The following CPQ variants were observed in gnomAD, a reference collection of about 807,000 sequenced individuals.
The protein encoded by CPQ is carboxypeptidase Q.
A neutral mutation model predicts 45.7 loss-of-function variants in CPQ; 37 were observed. That is an observed-to-expected ratio of 0.81 (90% CI 0.62 to 1.07). The LOEUF (loss-of-function observed/expected upper bound fraction) is 1.07, where lower values mean the gene tolerates loss of function less well. Ranked by LOEUF, CPQ falls within the 50% of genes least tolerant of loss-of-function variation. CPQ has a pLI of 0.00. For missense variants in CPQ, 537 were observed against 572.9 expected, an observed-to-expected ratio of 0.94 and a Z score of 0.64; for synonymous variants, 186 against 205.8, an observed-to-expected ratio of 0.90 and a Z score of 0.82.
At position 97,061,256 on chromosome 8, in the gene CPQ, G is replaced by T. The variant is rs1010323521; in HGVS notation, c.1054-4753G>T. ...GTTGGAAGCAAATTGTGGAGCAAGA[G>T]ATTTTTGTTTTTGTTTTCATTTCTT... On this transcript the variant is annotated intron_variant, in intron 6 of 7. Coordinates refer to ENST00000220763, the MANE Select transcript of CPQ (RefSeq NM_016134.4). 3.3e-5 allele frequency among the ~76,000 whole-genome samples: 5 copies of T among 151,852 alleles called. No homozygotes were observed. In the East Asian group the frequency reaches 9.6e-4, roughly 29 times the overall value.
At position 97,127,645 on chromosome 8, in the gene CPQ, C is replaced by T. The variant is rs899137239; in HGVS notation, c.1256-15375C>T. 2.6e-5 allele frequency among the ~76,000 whole-genome samples: 4 copies of T among 152,058 alleles called. No homozygotes were observed. In the South Asian group the frequency reaches 6.2e-4, roughly 24 times the overall value. On this transcript the variant is annotated intron_variant, in intron 7 of 7. Transcript: ENST00000220763. ...TGAAGGCTGCAGTAAGCCGAGATTT[C>T]GCCACTGCACTCCAGCGTGGGTGAC...
At chr8:96,827,614 T>C (rs1174312066) in intron 2 of CPQ, among the ~76,000 whole-genome samples, 1 of 152,108 alleles carries the variant, frequency 6.6e-6, no homozygotes, top group African/African-American at 2.4e-5. Context: ...CTTAAATAAC[T>C]ACCTTTGTCT....
At chr8:97,044,877 G>A (rs558775806) in intron 6 of CPQ, among the ~76,000 whole-genome samples, 22 of 152,170 alleles carry the variant, frequency 1.4e-4, no homozygotes, top group Non-Finnish European at 2.5e-4. Context: ...GGCTGTGTGA[G>A]GTGTCAGTCT....
rs189992815 is a variant in CPQ, at chr8:97,112,155, T to A, written c.1256-30865T>A. On this transcript the variant is annotated intron_variant, in intron 7 of 7. Transcript: ENST00000220763. ...GCCTTATTTTTTATTATTTTTATTT[T>A]TTTTTTATTTTTTTTTTTGCTAAGA... Among the ~76,000 whole-genome samples the A allele has an allele frequency of 2.0e-3, 273 of 133,386 alleles. 3 individuals carry two copies. The highest frequency in any genetic ancestry group is 0.015 in the Admixed American group (195 of 13,374). The allele number at this position is 133,386 out of a possible 152,430, so 87.5% of individuals were successfully genotyped here.
intron 5 of CPQ, among the ~76,000 whole-genome samples, chr8:96,975,339 T>TA (rs963844758): frequency 6.7e-6 from 1 of 149,868 alleles, no homozygotes; most frequent in African/African-American, 2.5e-5. Context: ...AAATGGTAAT[T>TA]AAAAAAAATT....
At chr8:96,870,048 CA>C (rs749767781) in intron 3 of CPQ, among the ~76,000 whole-genome samples, 9 of 151,918 alleles carry the variant, frequency 5.9e-5, no homozygotes, top group Non-Finnish European at 1.0e-4. Context: ...AAAATAAATA[CA>C]ATGCTGAGTG....
intron 3 of CPQ, among the ~76,000 whole-genome samples, chr8:96,842,776 T>C (rs1811629999): frequency 6.6e-6 from 1 of 152,220 alleles, no homozygotes; most frequent in Non-Finnish European, 1.5e-5. Flanking sequence ...GGAGACTCCA[T>C]GCCTGTGTCT....
chr8:97,075,563 T>A (rs1810832438), intron 7 of CPQ, among the ~76,000 whole-genome samples: 1 of 151,996 alleles, frequency 6.6e-6, no homozygotes, highest in South Asian at 2.1e-4. Context: ...CACAGAAAAC[T>A]AAATAAAGCT....
chr8:96,996,664 C>T lies in CPQ; in HGVS notation c.961+30618C>T, dbSNP rs564394659. Among the ~76,000 whole-genome samples the T allele has an allele frequency of 3.3e-5, 5 of 152,022 alleles. No individual in the cohort carries two copies. The East Asian group carries it at 7.7e-4, about 23-fold the overall frequency. On this transcript the variant is annotated intron_variant, in intron 5 of 7. Transcript: ENST00000220763. ...ATTGTTCTTAATTTTTAATTCAGTA[C>T]CTTTACAAATTATTTTATAATTGGT...
chr8:96,983,665 T>A (rs1292962729), intron 5 of CPQ, among the ~76,000 whole-genome samples: 1 of 152,196 alleles, frequency 6.6e-6, no homozygotes, highest in Non-Finnish European at 1.5e-5. Flanking sequence ...TGTGATTTTA[T>A]AAATTTCTCC....
At position 96,748,176 on chromosome 8, in the gene CPQ, C is replaced by A. The variant is rs141178073; in HGVS notation, c.-34-36688C>A. On this transcript the variant is annotated intron_variant, in intron 1 of 7. Transcript: ENST00000220763. ...TCATCAATCTCTTCTTATTCACTTCCATCCTTTGTATCATCATCAGAGATT... is the reference window on the plus strand; with the variant it reads ...TCATCAATCTCTTCTTATTCACTTCAATCCTTTGTATCATCATCAGAGATT... 9.9e-5 allele frequency among the ~76,000 whole-genome samples: 15 copies of A among 152,222 alleles called. No homozygotes were observed. The East Asian group carries it at 2.9e-3, about 29-fold the overall frequency.
intron 7 of CPQ, among the ~76,000 whole-genome samples, chr8:97,080,823 G>A (rs75385126): frequency 0.015 from 2,329 of 152,172 alleles, 39 homozygotes; most frequent in Middle Eastern, 0.027. Context: ...AAATCTATTA[G>A]TTATGCATCT....
chr8:97,011,159 T>C (rs1809478447), intron 5 of CPQ, among the ~76,000 whole-genome samples: 1 of 152,220 alleles, frequency 6.6e-6, no homozygotes, highest in Non-Finnish European at 1.5e-5. Context: ...CAGTTGAAGA[T>C]TTTGACATTC....
chr8:96,818,892 G>A (rs900378317), intron 2 of CPQ, among the ~76,000 whole-genome samples: 26 of 151,938 alleles, frequency 1.7e-4, no homozygotes, highest in Non-Finnish European at 2.6e-4. Flanking sequence ...TTATACTCCC[G>A]TATCAAATCC....
chr8:96,950,550 T>G (rs1813247294), intron 4 of CPQ, among the ~76,000 whole-genome samples: 1 of 152,078 alleles, frequency 6.6e-6, no homozygotes, highest in Non-Finnish European at 1.5e-5. Context: ...AATAGGAGGC[T>G]TTTTAATTTT....
intron 4 of CPQ, among the ~76,000 whole-genome samples, chr8:96,962,694 T>A (rs1813479973): frequency 6.6e-6 from 1 of 152,216 alleles, no homozygotes; most frequent in South Asian, 2.1e-4. Flanking sequence ...TTTTGTGAGG[T>A]AACATTAAGG....
chr8:96,667,989 T>C (rs2130717850), intron 1 of CPQ, among the ~76,000 whole-genome samples: 1 of 152,320 alleles, frequency 6.6e-6, no homozygotes, highest in South Asian at 2.1e-4. Context: ...TCATGGACAG[T>C]TCTGGGCATA....
chr8:96,705,578 C>T (rs1403133050), intron 1 of CPQ, among the ~76,000 whole-genome samples: 1 of 152,116 alleles, frequency 6.6e-6, no homozygotes, highest in African/African-American at 2.4e-5. Flanking sequence ...TGGATTTGCT[C>T]CTACCCCTAG....
chr8:96,706,810 T>A (rs1464894919), intron 1 of CPQ, among the ~76,000 whole-genome samples: 2 of 152,176 alleles, frequency 1.3e-5, no homozygotes, highest in African/African-American at 4.8e-5. Flanking sequence ...TTTCCACATT[T>A]TTTTGCAAAT....
Sources: allele counts gnomAD v4.1 joint callset (sites outside exome capture counted in the v4.1 genomes callset), GRCh38; gene constraint gnomAD v4.1.1; transcripts MANE v1.5; gene names NCBI Gene and HGNC (gene_info 2026-07-23, HGNC 2026-07-21).